Variants in FBXO17 observed in about 807,000 individuals in gnomAD.
FBXO17 encodes the protein F-box protein 17, also known as F-box only protein 17.
A neutral mutation model predicts 34.1 loss-of-function variants in FBXO17; 43 were observed. The observed-to-expected ratio is 1.26, with a 90% confidence interval of 0.99 to 1.62. FBXO17 has a LOEUF of 1.62. Among genes scored for constraint, FBXO17 ranks in the 40% most tolerant of loss-of-function variants. FBXO17 has a pLI of 0.00. For missense variants in FBXO17, 424 were observed against 386.7 expected, an observed-to-expected ratio of 1.10 and a Z score of -0.81; for synonymous variants, 169 against 166.0, an observed-to-expected ratio of 1.02 and a Z score of -0.14.
intron 1 of FBXO17, among the ~76,000 whole-genome samples, chr19:38,960,435 C>A (rs1276829539): frequency 6.6e-6 from 1 of 152,056 alleles, no homozygotes; most frequent in Non-Finnish European, 1.5e-5. Flanking sequence ...GTGAGGAGAC[C>A]CGAACAGCTG....
intron 4 of FBXO17, chr19:38,946,211 G>T: frequency 1.8e-6 from 1 of 555,210 alleles, no homozygotes; most frequent in Non-Finnish European, 3.2e-6. Context: ...TTTCAGAGGG[G>T]TATCAAGCCA....
In FBXO17 at chr19:38,950,878, G is replaced by A. The variant is rs143572746; in HGVS notation, c.-17-542C>T. Among the ~76,000 whole-genome samples the A allele has an allele frequency of 5.1e-3, 770 of 152,014 alleles. 7 individuals carry two copies. The highest frequency in any genetic ancestry group is 0.016 in the African/African-American group (678 of 41,436). On this transcript the variant is annotated intron_variant, in intron 1 of 5. Transcript: ENST00000292852. ...ACGATCTTGGCACATTGCAACCTCC[G>A]CTTCCTGGGTTCAAGCGATTCTCCT...
At chr19:38,945,709 G>C (rs1340947463) in intron 4 of FBXO17, 1 of 176,610 alleles carries the variant, frequency 5.7e-6, no homozygotes, top group African/African-American at 2.6e-5. Flanking sequence ...AGCCTGGGTG[G>C]TCCTGGGGTG....
chr19:38,964,851 C>G (rs1449761308), intron 1 of FBXO17, among the ~76,000 whole-genome samples: 1 of 152,116 alleles, frequency 6.6e-6, no homozygotes, highest in Non-Finnish European at 1.5e-5. Context: ...AAGCCCTCCC[C>G]ATCTGGCATC....
At chr19:38,969,891 C>G (rs776516403) in intron 1 of FBXO17, among the ~76,000 whole-genome samples, 1 of 151,898 alleles carries the variant, frequency 6.6e-6, no homozygotes, top group Non-Finnish European at 1.5e-5. Flanking sequence ...AGCCATTGTG[C>G]CTGGCCCACT....
At chr19:38,969,264 C>T (rs1975359197) in intron 1 of FBXO17, among the ~76,000 whole-genome samples, 1 of 151,608 alleles carries the variant, frequency 6.6e-6, no homozygotes, top group African/African-American at 2.4e-5. Context: ...GCCTGGGCAA[C>T]ATAGTGAGAC....
chr19:38,967,287 G>C (rs1975333617), intron 1 of FBXO17, among the ~76,000 whole-genome samples: 1 of 152,008 alleles, frequency 6.6e-6, no homozygotes, highest in African/African-American at 2.4e-5. Context: ...GTGAAACCCT[G>C]TCTCTACTAA....
At chr19:38,944,661 CTGTTT>C in intron 5 of FBXO17, 1 of 347,968 alleles carries the variant, frequency 2.9e-6, no homozygotes, top group Non-Finnish European at 5.3e-6. Context: ...GTCTGTGCCT[CTGTTT>C]CCTCAACTCT....
At chr19:38,953,863 G>A (rs766525423) in intron 1 of FBXO17, among the ~76,000 whole-genome samples, 2 of 152,090 alleles carry the variant, frequency 1.3e-5, no homozygotes, top group African/African-American at 4.8e-5. Context: ...GAGAACGGGT[G>A]TGGGCAAGGG....
At chr19:38,966,695 A>G (rs1475190515) in intron 1 of FBXO17, among the ~76,000 whole-genome samples, 2 of 152,238 alleles carry the variant, frequency 1.3e-5, no homozygotes, top group Non-Finnish European at 2.9e-5. Context: ...TAGGAAAAAC[A>G]TAAAACTGTA....
chr19:38,952,464 T>C (rs984023796), intron 1 of FBXO17: 1 of 508,808 alleles, frequency 2.0e-6, no homozygotes, highest in Non-Finnish European at 4.0e-6. Context: ...GGAACCCAGC[T>C]CTCCTGTGGG....
At chr19:38,966,127 G>A (rs906705013) in intron 1 of FBXO17, among the ~76,000 whole-genome samples, 2 of 150,418 alleles carry the variant, frequency 1.3e-5, no homozygotes, top group African/African-American at 4.9e-5. Context: ...GCACTACCAC[G>A]CCCGGCTAAT....
chr19:38,957,480 G>A (rs1473806977), intron 1 of FBXO17, among the ~76,000 whole-genome samples: 2 of 152,066 alleles, frequency 1.3e-5, no homozygotes, highest in African/African-American at 2.4e-5. Flanking sequence ...CGGGTAGCTG[G>A]GATTACAGGC....
chr19:38,972,316 AGGT>A (rs1427648521), intron 1 of FBXO17, among the ~76,000 whole-genome samples: 2 of 152,136 alleles, frequency 1.3e-5, no homozygotes, highest in African/African-American at 2.4e-5. Flanking sequence ...AGGCCAAGGC[AGGT>A]GGATCACCTG....
In FBXO17 at chr19:38,949,982, G is replaced by T. The variant is rs779721725; in HGVS notation, c.338C>A (p.Ser113Tyr). 2.1e-5 allele frequency: 33 copies of T among 1,545,742 alleles called. No individual in the cohort carries two copies. Among genetic ancestry groups the T allele is most frequent in the Admixed American group, 7.9e-5 (4 of 50,908 alleles). ...APFGRNLIFN[S>Y]CGEQGFRGWE... is the part of the protein sequence containing the mutation. ...CCCCCGTCACCCACGCTCTCCGCAG[G>T]AGTTGAAGATGAGATTGCGGCCGAA... Residue 113 changes from serine (S) to tyrosine (Y), a missense_variant, in exon 2 of 6, where the codon TCC (serine) becomes TAC (tyrosine). Ser to Tyr is a moderately radical substitution (Grantham distance 144, BLOSUM62 -2). Coordinates refer to ENST00000292852, the MANE Select transcript of FBXO17 (RefSeq NM_024907.7).
chr19:38,955,277 G>GCAC (rs1975151576), intron 1 of FBXO17, among the ~76,000 whole-genome samples: 1 of 151,614 alleles, frequency 6.6e-6, no homozygotes, highest in Non-Finnish European at 1.5e-5. Context: ...CACTCGGGTG[G>GCAC]GAGTGCAGTG....
chr19:38,969,941 C>A (rs557993235), intron 1 of FBXO17, among the ~76,000 whole-genome samples: 12 of 151,802 alleles, frequency 7.9e-5, no homozygotes, highest in Non-Finnish European at 1.5e-4. Flanking sequence ...ATGTGCCTGC[C>A]CCATGACCCA....
chr19:38,973,554 G>T (rs1975417883), intron 1 of FBXO17, among the ~76,000 whole-genome samples: 2 of 133,170 alleles, frequency 1.5e-5, no homozygotes, highest in South Asian at 5.6e-4. Context: ...TCTTCTAAAA[G>T]AGATTACATA....
chr19:38,950,623 A>G (rs896426159), intron 1 of FBXO17, among the ~76,000 whole-genome samples: 3 of 152,352 alleles, frequency 2.0e-5, no homozygotes, highest in African/African-American at 7.2e-5. Context: ...GTGAAATGGC[A>G]AAAGAACTAA....
Sources: allele counts gnomAD v4.1 joint callset (sites outside exome capture counted in the v4.1 genomes callset), GRCh38; gene constraint gnomAD v4.1.1; transcripts MANE v1.5; gene names NCBI Gene and HGNC (gene_info 2026-07-23, HGNC 2026-07-21).